Variants in DGLUCY observed in about 807,000 individuals in gnomAD.
DGLUCY encodes the protein D-glutamate cyclase, also known as D-glutamate cyclase, mitochondrial.
DGLUCY carries 58 observed loss-of-function variants against 58.5 expected under a neutral mutation model. The observed-to-expected ratio is 0.99, with a 90% CI of 0.80 to 1.23. The LOEUF (loss-of-function observed/expected upper bound fraction) is 1.23. Among genes scored for constraint, DGLUCY ranks in the 50% most tolerant of loss-of-function variants. The pLI, the probability that DGLUCY is intolerant of heterozygous loss-of-function variation, is 0.00. For missense variants in DGLUCY, 779 were observed against 784.7 expected (o/e 0.99, Z 0.09); for synonymous variants, 325 against 314.1 (o/e 1.03, Z -0.37).
intron 1 of DGLUCY, among the ~76,000 whole-genome samples, chr14:91,117,095 G>A (rs939964151): frequency 6.6e-6 from 1 of 152,176 alleles, no homozygotes; most frequent in African/African-American, 2.4e-5. Context: ...TCCTGGAACT[G>A]AGGGTTTCTC....
At chr14:91,195,878 G>A (rs1362026477) in intron 9 of DGLUCY, among the ~76,000 whole-genome samples, 2 of 152,130 alleles carry the variant, frequency 1.3e-5, no homozygotes, top group East Asian at 3.9e-4. Context: ...CACCATGTTA[G>A]CCGGGATGGT....
chr14:91,141,638 G>A (rs1595741345), intron 1 of DGLUCY, among the ~76,000 whole-genome samples: 1 of 145,666 alleles, frequency 6.9e-6, no homozygotes, highest in Non-Finnish European at 1.5e-5. Context: ...TGCAACCTCC[G>A]CCTCCTGGGT....
chr14:91,065,007 A>G (rs1165714867), intron 1 of DGLUCY, among the ~76,000 whole-genome samples: 1 of 152,224 alleles, frequency 6.6e-6, no homozygotes, highest in Non-Finnish European at 1.5e-5. Flanking sequence ...TTAAAATTGC[A>G]GAAGAGTTGC....
At chr14:91,205,622 G>A (rs1884441479) in intron 12 of DGLUCY, among the ~76,000 whole-genome samples, 2 of 152,094 alleles carry the variant, frequency 1.3e-5, no homozygotes, top group African/African-American at 4.8e-5. Flanking sequence ...GTGGTCTGGG[G>A]GCCCTCGTGC....
chr14:91,173,665 G>T, intron 6 of DGLUCY: 1 of 516,786 alleles, frequency 1.9e-6, no homozygotes, highest in Non-Finnish European at 3.2e-6. Flanking sequence ...TTTTACCAGG[G>T]GTCTCCAGGG....
At chr14:91,073,286 C>G (rs2043954178) in intron 1 of DGLUCY, among the ~76,000 whole-genome samples, 1 of 151,512 alleles carries the variant, frequency 6.6e-6, no homozygotes, top group Non-Finnish European at 1.5e-5. Context: ...ACTAAAAGTT[C>G]AAAAATTAGC....
At chr14:91,157,090 GATGA>G (rs1160490316) in intron 1 of DGLUCY, among the ~76,000 whole-genome samples, 395 of 146,798 alleles carry the variant, frequency 2.7e-3, no homozygotes, top group African/African-American at 7.0e-3. Context: ...TGGATGGATG[GATGA>G]ATGGGTGGAT....
intron 9 of DGLUCY, among the ~76,000 whole-genome samples, chr14:91,191,538 C>G (rs1277380084): frequency 1.3e-5 from 2 of 152,136 alleles, no homozygotes; most frequent in African/African-American, 4.8e-5. Flanking sequence ...AGAGCAGCAA[C>G]CTTGAAGGTG....
chr14:91,215,701 C>A, intron 13 of DGLUCY, 145 bp downstream of exon 13: 1 of 1,553,028 alleles, frequency 6.4e-7, no homozygotes. Flanking sequence ...AAGCAGAGGT[C>A]TCCTGGATTG....
Position 91,196,478 on chromosome 14 carries a change from C to G in DGLUCY, c.1295+4C>G. ...ATGGGGACCCGCAGACACCTAGGTA[C>G]GTATGTCGCATCCCAGTTTAAGTGG... On this transcript the variant is annotated splice_donor_region_variant and intron_variant, in intron 10 of 13. Coordinates refer to ENST00000256324, the MANE Select transcript of DGLUCY (RefSeq NM_001102368.3). 2.5e-6 allele frequency: 4 copies of G among 1,611,860 alleles called. No individual in the cohort carries two copies. The highest frequency in any genetic ancestry group is 3.4e-6 in the Non-Finnish European group (4 of 1,178,158).
intron 1 of DGLUCY, among the ~76,000 whole-genome samples, chr14:91,127,127 G>T (rs930094946): frequency 3.4e-5 from 5 of 145,392 alleles, no homozygotes; most frequent in Non-Finnish European, 7.5e-5. Context: ...CACAAGTATG[G>T]CTCACTACAG....
intron 7 of DGLUCY, among the ~76,000 whole-genome samples, chr14:91,179,450 T>C (rs908666213): frequency 6.8e-6 from 1 of 147,882 alleles, no homozygotes; most frequent in African/African-American, 2.5e-5. Flanking sequence ...CCTTATCTCT[T>C]TAAAAATATA....
intron 10 of DGLUCY, among the ~76,000 whole-genome samples, chr14:91,199,262 ATT>A (rs537076261): frequency 7.0e-6 from 1 of 142,882 alleles, no homozygotes; most frequent in African/African-American, 2.6e-5. Context: ...CCAATGCTGG[ATT>A]TTTTTTTTTT....
At chr14:91,085,896 C>T (rs1372393865) in intron 1 of DGLUCY, among the ~76,000 whole-genome samples, 1 of 152,128 alleles carries the variant, frequency 6.6e-6, no homozygotes, top group Non-Finnish European at 1.5e-5. Context: ...AACAGGGGTT[C>T]CCAACCCCCA....
chr14:91,134,039 A>G (rs1465319201), intron 1 of DGLUCY, among the ~76,000 whole-genome samples: 2 of 152,014 alleles, frequency 1.3e-5, no homozygotes, highest in East Asian at 3.8e-4. Context: ...CATCTTAATT[A>G]CCATAGTTTT....
chr14:91,147,883 A>C (rs1476718600), intron 1 of DGLUCY: 1 of 152,232 alleles, frequency 6.6e-6, no homozygotes, highest in Non-Finnish European at 1.5e-5. Flanking sequence ...AATTAAAGAA[A>C]CACAGACGGG....
At chr14:91,182,877 G>A (rs1372013461) in intron 8 of DGLUCY, among the ~76,000 whole-genome samples, 1 of 147,960 alleles carries the variant, frequency 6.8e-6, no homozygotes, top group African/African-American at 2.6e-5. Flanking sequence ...GATCCCCTAG[G>A]GGACCTGCTG....
At chr14:91,207,353 C>G (rs1454400003) in intron 12 of DGLUCY, among the ~76,000 whole-genome samples, 1 of 151,382 alleles carries the variant, frequency 6.6e-6, no homozygotes, top group African/African-American at 2.4e-5. Flanking sequence ...AAAAAAAAAC[C>G]CACAACAGAT....
In DGLUCY at chr14:91,065,056, T is replaced by C. The variant is rs186680214; in HGVS notation, c.-82+4352T>C. Among the ~76,000 whole-genome samples, 12 of 152,300 alleles carry C rather than the reference T, an allele frequency of 7.9e-5. No individual in the cohort carries two copies. In the East Asian group the frequency reaches 2.3e-3, roughly 29 times the overall value. ...CTTAGTAAAGCAGAAGCACGCCATATGATCACTTAAATGTGCACACATGTA... is the reference window on the plus strand; with the variant it reads ...CTTAGTAAAGCAGAAGCACGCCATACGATCACTTAAATGTGCACACATGTA... On this transcript the variant is annotated intron_variant, in intron 1 of 4. Coordinates refer to the DGLUCY transcript ENST00000521334.
Sources: allele counts gnomAD v4.1 joint callset (sites outside exome capture counted in the v4.1 genomes callset), GRCh38; gene constraint gnomAD v4.1.1; transcripts MANE v1.5; gene names NCBI Gene and HGNC (gene_info 2026-07-23, HGNC 2026-07-21).